Variants in KIF16B observed in about 807,000 individuals in gnomAD.
KIF16B encodes kinesin-like protein KIF16B.
A neutral mutation model predicts 156.3 loss-of-function variants in KIF16B; 98 were observed. That is an observed-to-expected ratio of 0.63 (90% CI 0.53 to 0.74). The LOEUF is 0.74. KIF16B is among the 30% of genes least tolerant of loss of function. The pLI, the probability that KIF16B is intolerant of heterozygous loss-of-function variation, is 0.00. For missense variants in KIF16B, 1,421 were observed against 1,606.5 expected, an observed-to-expected ratio of 0.88 and a Z score of 1.97; for synonymous variants, 564 against 583.7, an observed-to-expected ratio of 0.97 and a Z score of 0.49.
At chr20:16,541,830 A>G (rs984254798) in intron 1 of KIF16B, among the ~76,000 whole-genome samples, 18 of 152,224 alleles carry the variant, frequency 1.2e-4, no homozygotes, top group Non-Finnish European at 1.8e-4. Context: ...TCCTGGGGCT[A>G]GCGTGGCCCT....
intron 24 of KIF16B, among the ~76,000 whole-genome samples, chr20:16,322,209 C>T (rs1601565887): frequency 6.6e-6 from 1 of 152,038 alleles, no homozygotes; most frequent in East Asian, 1.9e-4. Flanking sequence ...ACAGCCAAAG[C>T]AAGACTAAGT....
At position 16,479,852 on chromosome 20, in the gene KIF16B, A is replaced by G. The variant is rs144244078; in HGVS notation, c.1302+14439T>C. ...GTTTGCACAATGAGAAAGTTGCCTA[A>G]TGACACGTTTCTTAGAACACATCAT... On this transcript the variant is annotated intron_variant, in intron 12 of 25. Transcript: ENST00000354981. Among the ~76,000 whole-genome samples the G allele has an allele frequency of 4.9e-3, 753 of 152,296 alleles. 2 individuals carry two copies. The highest frequency in any genetic ancestry group is 8.0e-3 in the Non-Finnish European group (544 of 68,018).
chr20:16,336,851 G>T (rs1281091016), intron 23 of KIF16B, among the ~76,000 whole-genome samples: 1 of 152,110 alleles, frequency 6.6e-6, no homozygotes, highest in Admixed American at 6.5e-5. Context: ...ACATTTCTTA[G>T]AACTTTATCC....
intron 12 of KIF16B, among the ~76,000 whole-genome samples, chr20:16,430,187 C>T (rs193045170): frequency 3.6e-4 from 55 of 152,254 alleles, no homozygotes; most frequent in Admixed American, 2.4e-3. Context: ...AAATATAAAA[C>T]GAATTAAACT....
At chr20:16,381,500 T>A (rs1468018601) in intron 18 of KIF16B, among the ~76,000 whole-genome samples, 194 bp downstream of exon 18, 1 of 148,708 alleles carries the variant, frequency 6.7e-6, no homozygotes, top group East Asian at 2.0e-4. Context: ...TTTAAAAAAA[T>A]TTAAACTTGA....
chr20:16,510,162 G>T (rs1486165832), intron 6 of KIF16B, among the ~76,000 whole-genome samples: 2 of 151,944 alleles, frequency 1.3e-5, no homozygotes, highest in Admixed American at 6.6e-5. Context: ...GCTCTGTTTT[G>T]CTATTCTATC....
In KIF16B at chr20:16,429,794, T is replaced by C. The variant is rs2066450679; in HGVS notation, c.1422+69A>G. On this transcript the variant is annotated intron_variant, in intron 13 of 25. Transcript: ENST00000354981. ...TGTTCATGACCATAGAATATTATAA[T>C]AAACCTAGTTAGTGTCTAATGGAGA... 3.7e-6 allele frequency: 5 copies of C among 1,333,378 alleles called. No individual in the cohort carries two copies. The Admixed American group carries it at 1.1e-4, about 28-fold the overall frequency. 82.6% of individuals were successfully genotyped at this position (1,333,378 alleles called of 1,614,324 possible).
chr20:16,275,138 C>T (rs561481639), intron 25 of KIF16B, among the ~76,000 whole-genome samples: 2 of 151,776 alleles, frequency 1.3e-5, no homozygotes, highest in East Asian at 3.9e-4. Context: ...ACCACAACCT[C>T]TGTCTCCTGG....
In KIF16B at chr20:16,508,061, T is replaced by C; in HGVS notation, c.596A>G (p.Glu199Gly). The C allele has an allele frequency of 6.2e-7, 1 of 1,614,158 alleles. No homozygotes were observed. The highest frequency in any genetic ancestry group is 8.5e-7 in the Non-Finnish European group (1 of 1,179,984). The change falls in exon 7 of 26, where the codon GAA becomes GGA. Residue 199 changes from glutamate to glycine, a missense_variant. By Grantham distance (98) the Glu-to-Gly change is moderately conservative. Coordinates refer to ENST00000354981, the MANE Select transcript of KIF16B (RefSeq NM_024704.5). ...GATATTGCCCGCATCCATAAGTTCT[T>C]CTACGTCACCATAATTCTGTACTAA... ...KHLVQNYGDVEELMDAGNINR... is the reference protein window; with the variant it reads ...KHLVQNYGDVGELMDAGNINR...
chr20:16,345,756 C>G (rs2064221828), intron 23 of KIF16B, among the ~76,000 whole-genome samples: 2 of 152,194 alleles, frequency 1.3e-5, no homozygotes, highest in African/African-American at 2.4e-5. Context: ...TAGGCTGGAG[C>G]TGAACTCCTA....
intron 1 of KIF16B, among the ~76,000 whole-genome samples, chr20:16,562,702 T>G (rs1245772785): frequency 6.6e-6 from 1 of 152,124 alleles, no homozygotes. Context: ...GTTTAAGAGA[T>G]AATAAGCAAA....
chr20:16,412,747 AACT>A (rs2065990505), intron 15 of KIF16B, among the ~76,000 whole-genome samples: 1 of 152,122 alleles, frequency 6.6e-6, no homozygotes, highest in South Asian at 2.1e-4. Context: ...GGATTATGGG[AACT>A]ACAATTCCAG....
intron 3 of KIF16B, among the ~76,000 whole-genome samples, chr20:16,523,841 T>C (rs143737284): frequency 2.8e-4 from 42 of 152,184 alleles, no homozygotes; most frequent in African/African-American, 9.6e-4. Context: ...AACAGATATA[T>C]AGACAAATGG....
intron 23 of KIF16B, among the ~76,000 whole-genome samples, chr20:16,352,027 C>A (rs937157661): frequency 6.6e-6 from 1 of 152,156 alleles, no homozygotes; most frequent in African/African-American, 2.4e-5. Context: ...AGATAAATGC[C>A]GTTGGATCCC....
intron 12 of KIF16B, among the ~76,000 whole-genome samples, chr20:16,461,033 A>G (rs1980574): frequency 2.0e-5 from 3 of 152,034 alleles, no homozygotes; most frequent in Non-Finnish European, 2.9e-5. Flanking sequence ...TAGCCTTAAG[A>G]AATTTCATTG....
chr20:16,297,888 C>T (rs952543969), intron 25 of KIF16B, among the ~76,000 whole-genome samples: 2 of 152,080 alleles, frequency 1.3e-5, no homozygotes, highest in Non-Finnish European at 2.9e-5. Context: ...TCATGTCTCC[C>T]TGGAAGATGG....
At chr20:16,443,916 A>T (rs1208509454) in intron 12 of KIF16B, among the ~76,000 whole-genome samples, 3 of 152,254 alleles carry the variant, frequency 2.0e-5, no homozygotes, top group Non-Finnish European at 1.5e-5. Context: ...ATACAAAATA[A>T]ATTGTGTTTG....
At chr20:16,475,390 C>A (rs2067781879) in intron 12 of KIF16B, among the ~76,000 whole-genome samples, 1 of 152,218 alleles carries the variant, frequency 6.6e-6, no homozygotes, top group East Asian at 1.9e-4. Context: ...AGAGCCAGCA[C>A]TGGATTACAT....
chr20:16,308,931 C>A (rs2063579372), intron 25 of KIF16B, among the ~76,000 whole-genome samples: 1 of 152,242 alleles, frequency 6.6e-6, no homozygotes, highest in Non-Finnish European at 1.5e-5. Flanking sequence ...GTCTCCCAGG[C>A]AGCTGTCAGG....
Sources: allele counts gnomAD v4.1 joint callset (sites outside exome capture counted in the v4.1 genomes callset), GRCh38; gene constraint gnomAD v4.1.1; transcripts MANE v1.5; gene names NCBI Gene and HGNC (gene_info 2026-07-23, HGNC 2026-07-21).